Variants in PCCA observed in about 807,000 individuals in gnomAD.
The protein encoded by PCCA is propionyl-CoA carboxylase alpha chain, mitochondrial.
A neutral mutation model predicts 101.3 loss-of-function variants in PCCA; 74 were observed. The ratio of observed to expected loss-of-function variants is 0.73; its 90% CI spans 0.61 to 0.89. The LOEUF is 0.89. Ranked by LOEUF, PCCA falls within the 40% of genes least tolerant of loss-of-function variation. The probability of loss-of-function intolerance (pLI) is 0.00; values close to 1 mark genes in which losing one functional copy is unlikely to be tolerated. For synonymous variants in PCCA, 294 were observed against 313.6 expected (o/e 0.94, Z 0.66); for missense variants, 891 against 907.0 (o/e 0.98, Z 0.23).
intron 21 of PCCA, among the ~76,000 whole-genome samples, chr13:100,479,330 C>T (rs2083690608): frequency 6.6e-6 from 1 of 152,146 alleles, no homozygotes; most frequent in South Asian, 2.1e-4. Context: ...GACCAACGTC[C>T]TAGATACAGT....
At chr13:100,524,698 C>G (rs536732914) in intron 22 of PCCA, among the ~76,000 whole-genome samples, 77 of 152,050 alleles carry the variant, frequency 5.1e-4, no homozygotes, top group Admixed American at 2.7e-3. Flanking sequence ...GTGGTAATAC[C>G]CTATCTGTAC....
chr13:100,416,534 G>GTGTA (rs756597674), intron 19 of PCCA, among the ~76,000 whole-genome samples: 10 of 150,694 alleles, frequency 6.6e-5, no homozygotes, highest in South Asian at 2.1e-4. Flanking sequence ...GTGTGTGTGT[G>GTGTA]TGTATGTATT....
intron 21 of PCCA, among the ~76,000 whole-genome samples, chr13:100,498,398 A>G (rs975572267): frequency 6.6e-6 from 1 of 152,124 alleles, no homozygotes; most frequent in Non-Finnish European, 1.5e-5. Flanking sequence ...GGAAAGCCAC[A>G]AATCAGTTGG....
chr13:100,134,885 A>G lies in PCCA; in HGVS notation c.301-20094A>G, dbSNP rs532295330. Among the ~76,000 whole-genome samples the G allele has an allele frequency of 4.4e-4, 66 of 150,350 alleles. 1 individual carries two copies. Among genetic ancestry groups the G allele is most frequent in the Non-Finnish European group, 8.6e-4 (58 of 67,628 alleles). ...TTTCATTAGCATTTCATAGTTTTCA[A>G]TATGCAGATCCTGCACATGCTTTGT... On this transcript the variant is annotated intron_variant, in intron 4 of 23. Transcript: ENST00000376285.
chr13:100,254,791 G>GT (rs1254755359), intron 8 of PCCA, among the ~76,000 whole-genome samples: 1 of 152,060 alleles, frequency 6.6e-6, no homozygotes. Context: ...TAAATTAAGA[G>GT]TTAGTATCAG....
At chr13:100,256,510 A>C (rs1312188004) in intron 8 of PCCA, among the ~76,000 whole-genome samples, 1 of 152,158 alleles carries the variant, frequency 6.6e-6, no homozygotes, top group African/African-American at 2.4e-5. Context: ...CAGCCCATAT[A>C]AACATCATGA....
chr13:100,387,952 T>C (rs984319721), intron 19 of PCCA, among the ~76,000 whole-genome samples: 3 of 152,228 alleles, frequency 2.0e-5, no homozygotes, highest in African/African-American at 7.2e-5. Flanking sequence ...ATGGTATTGG[T>C]TGTTATATTA....
chr13:100,402,737 T>G (rs576740976), intron 19 of PCCA, among the ~76,000 whole-genome samples: 3 of 152,032 alleles, frequency 2.0e-5, no homozygotes, highest in African/African-American at 7.2e-5. Context: ...GTGGTATTGG[T>G]AGGGGCAGGG....
At chr13:100,211,173 G>A (rs906675330) in intron 7 of PCCA, among the ~76,000 whole-genome samples, 6 of 152,282 alleles carry the variant, frequency 3.9e-5, no homozygotes, top group Middle Eastern at 3.4e-3. Flanking sequence ...CATGATCTGC[G>A]TATCATAGTT....
chr13:100,427,348 C>A (rs983506462), intron 20 of PCCA, among the ~76,000 whole-genome samples: 21 of 152,180 alleles, frequency 1.4e-4, no homozygotes, highest in African/African-American at 5.1e-4. Flanking sequence ...TGTTAACTCT[C>A]AGTAGTCAGA....
At chr13:100,390,046 T>C (rs2076724582) in intron 19 of PCCA, among the ~76,000 whole-genome samples, 2 of 152,118 alleles carry the variant, frequency 1.3e-5, no homozygotes, top group Non-Finnish European at 2.9e-5. Context: ...CTGCAAGTAT[T>C]TTGGAGAAAA....
chr13:100,529,558 G>A (rs747193297), intron 23 of PCCA, among the ~76,000 whole-genome samples: 2 of 152,166 alleles, frequency 1.3e-5, no homozygotes, highest in Non-Finnish European at 2.9e-5. Flanking sequence ...TGGAAAGGGC[G>A]ACCGCACAGC....
intron 18 of PCCA, among the ~76,000 whole-genome samples, chr13:100,342,775 G>A (rs1301187583): frequency 2.2e-5 from 2 of 91,834 alleles, no homozygotes; most frequent in African/African-American, 8.0e-5. Context: ...AGGCTGAAGT[G>A]TAGTGGCACA....
At chr13:100,175,232 A>G (rs1241063966) in intron 6 of PCCA, among the ~76,000 whole-genome samples, 2 of 152,188 alleles carry the variant, frequency 1.3e-5, no homozygotes, top group African/African-American at 4.8e-5. Flanking sequence ...TGTTGATCGA[A>G]TTAATGAATA....
rs555857452 is a variant in PCCA, at chr13:100,352,742, C to A, written c.1643+12483C>A. ...CCAGAGACAGGGTCTTGCTCTGTCACCCAGGCTAGAATACAGTGGTGTGAT... is the reference window on the plus strand; with the variant it reads ...CCAGAGACAGGGTCTTGCTCTGTCAACCAGGCTAGAATACAGTGGTGTGAT... On this transcript the variant is annotated intron_variant, in intron 18 of 23. Coordinates refer to ENST00000376285, the MANE Select transcript of PCCA (RefSeq NM_000282.4). 2.0e-4 allele frequency among the ~76,000 whole-genome samples: 31 copies of A among 152,032 alleles called. No homozygotes were observed. The South Asian group carries it at 5.8e-3, about 29-fold the overall frequency.
intron 12 of PCCA, chr13:100,293,372 T>C (rs2065282617): frequency 3.2e-6 from 1 of 312,746 alleles, no homozygotes; most frequent in African/African-American, 2.2e-5. Context: ...TTTTGTAACT[T>C]GATTTTGCCC....
rs189081586 is a variant in PCCA at position 100,529,255 on chromosome 13, G to A, written c.2119-843G>A. 3.7e-4 allele frequency among the ~76,000 whole-genome samples: 56 copies of A among 152,254 alleles called. No individual in the cohort carries two copies. In the East Asian group the frequency reaches 7.0e-3, roughly 19 times the overall value. On this transcript the variant is annotated intron_variant, in intron 23 of 23. Transcript: ENST00000376285. ...AAACAGATCCTCTACTCTGGTCATC[G>A]CTGCATCACTAACACTGCGTCCTCT... is the stretch of plus-strand genomic sequence containing the variant.
intron 21 of PCCA, among the ~76,000 whole-genome samples, chr13:100,472,010 A>C (rs755066920): frequency 3.3e-5 from 5 of 152,152 alleles, no homozygotes; most frequent in Non-Finnish European, 5.9e-5. Flanking sequence ...GCACTAAGGG[A>C]AAGGAAAACT....
intron 6 of PCCA, among the ~76,000 whole-genome samples, chr13:100,187,837 T>C (rs966080628): frequency 3.3e-5 from 5 of 152,184 alleles, no homozygotes; most frequent in Non-Finnish European, 4.4e-5. Flanking sequence ...TCTGAGATTT[T>C]GGTGCACCAG....
Sources: allele counts gnomAD v4.1 joint callset (sites outside exome capture counted in the v4.1 genomes callset), GRCh38; gene constraint gnomAD v4.1.1; transcripts MANE v1.5; gene names NCBI Gene and HGNC (gene_info 2026-07-23, HGNC 2026-07-21).